The following SPAG16 variants were observed in gnomAD, a reference collection of about 807,000 sequenced individuals.
The protein encoded by SPAG16 is sperm-associated antigen 16 protein.
Under a neutral mutation model 80.4 loss-of-function variants are expected in SPAG16, and 86 were observed. That is an observed-to-expected ratio of 1.07 (90% CI 0.90 to 1.28). The LOEUF (loss-of-function observed/expected upper bound fraction) is 1.28, where lower values mean the gene tolerates loss of function less well. Ranked by LOEUF, SPAG16 falls within the 50% of genes most tolerant of loss-of-function variation. The pLI, the probability that SPAG16 is intolerant of heterozygous loss-of-function variation, is 0.00. For missense variants in SPAG16, 870 were observed against 765.3 expected (o/e 1.14, Z -1.61); for synonymous variants, 294 against 265.9 (o/e 1.11, Z -1.03).
At chr2:213,834,544 G>A (rs935522374) in intron 10 of SPAG16, among the ~76,000 whole-genome samples, 4 of 152,154 alleles carry the variant, frequency 2.6e-5, no homozygotes, top group Admixed American at 6.5e-5. Flanking sequence ...AGGATTGTAT[G>A]ACTCACTTTC....
rs192008931 is a variant in SPAG16 at position 213,597,724 on chromosome 2, T to G, written c.1070+107634T>G. On this transcript the variant is annotated intron_variant, in intron 10 of 15. Transcript: ENST00000331683. ...TAAGAAAAAAAAATTTTGTTACATA[T>G]TTTGCAAAAAGCTTGAAGGAAATAA... Among the ~76,000 whole-genome samples the G allele has an allele frequency of 6.5e-3, 997 of 152,290 alleles. 11 individuals carry two copies. The highest frequency in any genetic ancestry group is 8.5e-3 in the Non-Finnish European group (575 of 68,026).
chr2:213,750,000 C>T (rs951971708), intron 10 of SPAG16, among the ~76,000 whole-genome samples: 2 of 152,176 alleles, frequency 1.3e-5, no homozygotes, highest in African/African-American at 4.8e-5. Flanking sequence ...AGCCCTGTTG[C>T]ATTGTATCCC....
At chr2:213,964,661 A>G (rs989477415) in intron 12 of SPAG16, among the ~76,000 whole-genome samples, 3 of 152,064 alleles carry the variant, frequency 2.0e-5, no homozygotes, top group African/African-American at 7.2e-5. Flanking sequence ...TTTCTCTCTT[A>G]ATTAATCTAC....
chr2:214,014,088 C>A lies in SPAG16; in HGVS notation c.1527+11C>A, dbSNP rs947433191. Reference sequence around the variant, plus strand: ...TGGGATGCAAGAACAGTAAGCAAATCATTCACTTTTTTTCCCAGCTTTTGA... The same window carrying A: ...TGGGATGCAAGAACAGTAAGCAAATAATTCACTTTTTTTCCCAGCTTTTGA... On this transcript the variant is annotated intron_variant, in intron 13 of 15. Coordinates refer to ENST00000331683, the MANE Select transcript of SPAG16 (RefSeq NM_024532.5). The A allele has an allele frequency of 6.2e-7, 1 of 1,611,258 alleles. No individual in the cohort carries two copies. Among genetic ancestry groups the A allele is most frequent in the Non-Finnish European group, 8.5e-7 (1 of 1,179,040 alleles).
chr2:214,290,782 T>G lies in SPAG16; in HGVS notation c.1721-119358T>G, dbSNP rs569161328. On this transcript the variant is annotated intron_variant, in intron 15 of 15. Coordinates refer to ENST00000331683, the MANE Select transcript of SPAG16 (RefSeq NM_024532.5). ...TATTTTATAAAAGATTTGTTAAGAC[T>G]TATTTTGTGTCCCAAACTATGGTTT... is the stretch of plus-strand genomic sequence containing the variant. 2.0e-5 allele frequency among the ~76,000 whole-genome samples: 3 copies of G among 152,356 alleles called. No homozygotes were observed. The South Asian group carries it at 6.2e-4, about 32-fold the overall frequency.
rs532301154 is a variant in SPAG16, at chr2:213,619,763, A to C, written c.1070+129673A>C. ...TGGAAGTCAGTATGGAACTTCCTCA[A>C]AAAACTAACAATAAAACTCCCATAT... On this transcript the variant is annotated intron_variant, in intron 10 of 15. Coordinates refer to ENST00000331683, the MANE Select transcript of SPAG16 (RefSeq NM_024532.5). Among the ~76,000 whole-genome samples, 85 of 152,344 alleles carry C rather than the reference A, an allele frequency of 5.6e-4. 2 individuals carry two copies. The South Asian group carries it at 0.017, about 31-fold the overall frequency.
chr2:213,906,911 G>C (rs191217993), intron 11 of SPAG16, among the ~76,000 whole-genome samples: 22 of 152,084 alleles, frequency 1.4e-4, no homozygotes, highest in Non-Finnish European at 2.8e-4. Flanking sequence ...AAAACTACTA[G>C]AAGAAACATA....
intron 11 of SPAG16, among the ~76,000 whole-genome samples, chr2:213,873,192 C>T (rs963216357): frequency 1.3e-5 from 2 of 151,922 alleles, no homozygotes; most frequent in East Asian, 3.9e-4. Context: ...TGGTCTTGGG[C>T]TTTTCTTTGT....
intron 10 of SPAG16, among the ~76,000 whole-genome samples, chr2:213,860,248 C>T (rs146594616): frequency 5.7e-4 from 86 of 151,502 alleles, no homozygotes; most frequent in African/African-American, 2.0e-3. Flanking sequence ...CATTAAATTC[C>T]TTTCTATATA....
At chr2:214,162,434 A>C (rs2056476750) in intron 15 of SPAG16, among the ~76,000 whole-genome samples, 1 of 152,160 alleles carries the variant, frequency 6.6e-6, no homozygotes, top group Non-Finnish European at 1.5e-5. Flanking sequence ...GACAAGTTTC[A>C]TGGTAATAGG....
At chr2:213,967,800 A>G (rs1405007952) in intron 12 of SPAG16, among the ~76,000 whole-genome samples, 7 of 152,090 alleles carry the variant, frequency 4.6e-5, no homozygotes, top group Admixed American at 4.6e-4. Context: ...CATTTTATGA[A>G]ATGTTGAGTC....
intron 15 of SPAG16, among the ~76,000 whole-genome samples, chr2:214,394,039 T>C (rs1701228191): frequency 6.6e-6 from 1 of 152,194 alleles, no homozygotes; most frequent in Non-Finnish European, 1.5e-5. Context: ...AAATTTATTC[T>C]GTGTTTTCAA....
At chr2:214,402,564 G>T (rs992834184) in intron 15 of SPAG16, among the ~76,000 whole-genome samples, 8 of 151,938 alleles carry the variant, frequency 5.3e-5, no homozygotes, top group African/African-American at 1.9e-4. Context: ...AGGCTAAGGG[G>T]ATGTTTGCCA....
intron 11 of SPAG16, among the ~76,000 whole-genome samples, chr2:213,898,592 T>C (rs1465282644): frequency 6.6e-6 from 1 of 152,202 alleles, no homozygotes. Flanking sequence ...TTAATGATTA[T>C]AAAATCTTTG....
chr2:213,830,272 C>A (rs151080409), intron 10 of SPAG16, among the ~76,000 whole-genome samples: 1 of 152,172 alleles, frequency 6.6e-6, no homozygotes, highest in African/African-American at 2.4e-5. Context: ...GTTGGCAGCA[C>A]TGAGTTCCAA....
chr2:214,380,776 G>A (rs1443387796), intron 15 of SPAG16, among the ~76,000 whole-genome samples: 1 of 152,234 alleles, frequency 6.6e-6, no homozygotes, highest in Admixed American at 6.5e-5. Context: ...GCAGCAGTAT[G>A]CTGAACATGG....
chr2:213,969,465 T>G (rs2044895570), intron 12 of SPAG16, among the ~76,000 whole-genome samples: 1 of 152,054 alleles, frequency 6.6e-6, no homozygotes, highest in Non-Finnish European at 1.5e-5. Flanking sequence ...ATTTGGGAGG[T>G]GATTAAGTCA....
chr2:214,162,394 G>A (rs561107860), intron 15 of SPAG16, among the ~76,000 whole-genome samples: 2 of 152,218 alleles, frequency 1.3e-5, no homozygotes, highest in East Asian at 3.9e-4. Flanking sequence ...CTGAGATGGG[G>A]ACATATATCC....
intron 10 of SPAG16, among the ~76,000 whole-genome samples, chr2:213,850,943 T>C (rs1419612301): frequency 2.0e-5 from 3 of 152,154 alleles, no homozygotes; most frequent in Admixed American, 6.5e-5. Context: ...AACATTCTTA[T>C]TAGTATATTT....
Sources: allele counts gnomAD v4.1 joint callset (sites outside exome capture counted in the v4.1 genomes callset), GRCh38; gene constraint gnomAD v4.1.1; transcripts MANE v1.5; gene names NCBI Gene and HGNC (gene_info 2026-07-23, HGNC 2026-07-21).